OSBPL10: variants seen among roughly 807,000 people sequenced by gnomAD.
The protein encoded by OSBPL10 is oxysterol-binding protein-related protein 10.
In OSBPL10, 49 loss-of-function variants were observed where a neutral mutation model predicts 81.7. The observed-to-expected ratio is 0.60, with a 90% confidence interval of 0.48 to 0.76. The LOEUF (loss-of-function observed/expected upper bound fraction) is 0.76. Among genes scored for constraint, OSBPL10 ranks in the 30% least tolerant of loss-of-function variants. The probability of loss-of-function intolerance (pLI) is 0.00; values close to 1 mark genes in which losing one functional copy is unlikely to be tolerated. For missense variants in OSBPL10, 923 were observed against 987.8 expected (o/e 0.93, Z 0.88); for synonymous variants, 419 against 383.6 (o/e 1.09, Z -1.08).
At chr3:31,691,171 G>C (rs1019461203) in intron 7 of OSBPL10, among the ~76,000 whole-genome samples, 2 of 152,004 alleles carry the variant, frequency 1.3e-5, no homozygotes, top group African/African-American at 2.4e-5. Context: ...TGAACTATTT[G>C]GGGGGAAGGA....
chr3:32,007,079 T>G (rs1699212840), intron 2 of OSBPL10, among the ~76,000 whole-genome samples: 1 of 152,172 alleles, frequency 6.6e-6, no homozygotes, highest in Non-Finnish European at 1.5e-5. Context: ...ACAAACATAA[T>G]TAAATTTGTA....
intron 4 of OSBPL10, among the ~76,000 whole-genome samples, chr3:31,780,782 A>T (rs1415667453): frequency 6.6e-6 from 1 of 152,160 alleles, no homozygotes; most frequent in Non-Finnish European, 1.5e-5. Context: ...CTCTGAACAG[A>T]CCAATAACAA....
intron 4 of OSBPL10, among the ~76,000 whole-genome samples, chr3:31,780,802 T>C (rs934963974): frequency 2.0e-5 from 3 of 151,976 alleles, no homozygotes; most frequent in Non-Finnish European, 4.4e-5. Flanking sequence ...AGTAGTGAGA[T>C]TGAAACAGTA....
intron 6 of OSBPL10, among the ~76,000 whole-genome samples, chr3:31,729,765 G>A (rs149111305): frequency 5.9e-5 from 9 of 152,136 alleles, no homozygotes; most frequent in East Asian, 1.9e-4. Context: ...GTAGGTGGCC[G>A]TGATTCAGAG....
At chr3:31,808,380 A>C (rs1699574012) in intron 4 of OSBPL10, among the ~76,000 whole-genome samples, 1 of 152,214 alleles carries the variant, frequency 6.6e-6, no homozygotes, top group Non-Finnish European at 1.5e-5. Flanking sequence ...TGAGGTCCCC[A>C]AATGTAGCCA....
chr3:31,796,332 C>T (rs1040378078), intron 4 of OSBPL10, among the ~76,000 whole-genome samples: 11 of 152,074 alleles, frequency 7.2e-5, no homozygotes, highest in African/African-American at 2.7e-4. Flanking sequence ...TATAGAAAAT[C>T]CCTATTAGTG....
At chr3:31,745,276 G>A (rs957561030) in intron 5 of OSBPL10, among the ~76,000 whole-genome samples, 1 of 152,192 alleles carries the variant, frequency 6.6e-6, no homozygotes, top group Non-Finnish European at 1.5e-5. Flanking sequence ...CTTTAGAGGA[G>A]AGTGTCCTTT....
At chr3:31,668,244 T>G (rs1440953557) in intron 10 of OSBPL10, among the ~76,000 whole-genome samples, 1 of 152,188 alleles carries the variant, frequency 6.6e-6, no homozygotes, top group Non-Finnish European at 1.5e-5. Context: ...TACTACACCT[T>G]TCCCAGCATT....
chr3:31,878,147 T>A (rs1701525481), intron 2 of OSBPL10, among the ~76,000 whole-genome samples: 1 of 152,202 alleles, frequency 6.6e-6, no homozygotes, highest in African/African-American at 2.4e-5. Context: ...CTATATTTGC[T>A]ATTAAAATTG....
At chr3:32,026,011 CATAG>C (rs10662309) in intron 2 of OSBPL10, among the ~76,000 whole-genome samples, 1,965 of 128,322 alleles carry the variant, frequency 0.015, 28 homozygotes, top group Admixed American at 0.019. Context: ...TATATACAGA[CATAG>C]ATAGATAGAT....
At chr3:31,696,803 C>T (rs780241757) in intron 7 of OSBPL10, among the ~76,000 whole-genome samples, 14 of 152,236 alleles carry the variant, frequency 9.2e-5, no homozygotes, top group Non-Finnish European at 1.9e-4. Context: ...ACATTGTTTC[C>T]TCTCAAACTT....
chr3:31,972,927 TATA>T (rs757517981), intron 1 of OSBPL10, among the ~76,000 whole-genome samples: 1 of 152,204 alleles, frequency 6.6e-6, no homozygotes, highest in East Asian at 1.9e-4. Flanking sequence ...AAAGACCATA[TATA>T]ATGTTTCCTA....
At chr3:32,030,653 C>T (rs759153318) in intron 2 of OSBPL10, 24 of 1,340,996 alleles carry the variant, frequency 1.8e-5, no homozygotes, top group Non-Finnish European at 2.4e-5. Context: ...CTGCTGGAAC[C>T]TATTCCCTAT....
chr3:31,675,525 C>T (rs1215550829), intron 8 of OSBPL10, among the ~76,000 whole-genome samples: 1 of 152,112 alleles, frequency 6.6e-6, no homozygotes, highest in Non-Finnish European at 1.5e-5. Context: ...ATGGAGAAGG[C>T]GATTCTAAAC....
chr3:31,875,634 A>G lies in OSBPL10; in HGVS notation c.537+799T>C, dbSNP rs144541285. 2.2e-4 allele frequency among the ~76,000 whole-genome samples: 33 copies of G among 152,254 alleles called. No homozygotes were observed. The East Asian group carries it at 6.0e-3, about 28-fold the overall frequency. On this transcript the variant is annotated intron_variant, in intron 3 of 11. Coordinates refer to ENST00000396556, the MANE Select transcript of OSBPL10 (RefSeq NM_017784.5). ...GCAGAACAGCCAGGTGTATCTAAGTAAGACATTTCACATGGCCCTGACCCA... is the reference window on the plus strand; with the variant it reads ...GCAGAACAGCCAGGTGTATCTAAGTGAGACATTTCACATGGCCCTGACCCA...
chr3:32,076,434 A>T (rs1363080069), intron 1 of OSBPL10, among the ~76,000 whole-genome samples: 2 of 151,874 alleles, frequency 1.3e-5, no homozygotes, highest in Non-Finnish European at 2.9e-5. Flanking sequence ...GCCTGCACCC[A>T]GGTGAAATAA....
At chr3:31,993,811 C>T (rs139190131) in intron 2 of OSBPL10, among the ~76,000 whole-genome samples, 1,563 of 152,134 alleles carry the variant, frequency 0.01, 33 homozygotes, top group African/African-American at 0.035. Flanking sequence ...AACAGTTTGA[C>T]AGTGTCTTTT....
intron 4 of OSBPL10, among the ~76,000 whole-genome samples, chr3:31,790,899 G>C (rs1026767957): frequency 5.3e-5 from 8 of 152,200 alleles, no homozygotes; most frequent in Non-Finnish European, 1.2e-4. Context: ...AGAAGACACA[G>C]CTATGCTTGT....
chr3:31,771,744 C>T (rs112253039), intron 4 of OSBPL10, among the ~76,000 whole-genome samples: 3,913 of 152,196 alleles, frequency 0.026, 78 homozygotes, highest in Middle Eastern at 0.037. Context: ...ACTTACATGT[C>T]GACATATAGC....
Sources: gnomAD v4.1 joint callset for allele counts (sites outside exome capture counted in the v4.1 genomes callset) on GRCh38, gnomAD v4.1.1 for gene constraint, MANE v1.5 for transcripts, NCBI Gene and HGNC (gene_info 2026-07-23, HGNC 2026-07-21) for gene names.